ERICH5: variants seen among roughly 807,000 people sequenced by gnomAD.
The protein encoded by ERICH5 is glutamate rich 5.
Under a neutral mutation model 28.0 loss-of-function variants are expected in ERICH5, and 24 were observed. That is an observed-to-expected ratio of 0.86 (90% CI 0.62 to 1.21). The LOEUF is 1.21. Ranked by LOEUF, ERICH5 falls within the 50% of genes most tolerant of loss-of-function variation. The pLI is 0.00. For synonymous variants in ERICH5, 163 were observed against 157.6 expected (o/e 1.03, Z -0.25); for missense variants, 421 against 441.2 (o/e 0.95, Z 0.41).
intron 1 of ERICH5, among the ~76,000 whole-genome samples, chr8:98,082,102 T>C (rs1418598847): frequency 6.6e-6 from 1 of 152,092 alleles, no homozygotes; most frequent in African/African-American, 2.4e-5. Flanking sequence ...AAATTTAGAG[T>C]GCAATTAATC....
chr8:98,068,559 G>T (rs1442365443), intron 1 of ERICH5, among the ~76,000 whole-genome samples: 1 of 152,176 alleles, frequency 6.6e-6, no homozygotes, highest in Non-Finnish European at 1.5e-5. Flanking sequence ...GTTGTTTTGA[G>T]TGTCCTGAGG....
In ERICH5 at chr8:98,089,519, G is replaced by A; in HGVS notation, c.502G>A (p.Asp168Asn). ...GCCTTTGCAGGCAGCAGTAGAGAAG[G>A]ACTCTCTCAGAGCAGTGGAGGTCAC... ...GQPLQAAVEK[D>N]SLRAVEVTEN... The change falls in exon 2 of 3, where the codon GAC becomes AAC. Residue 168 changes from aspartate to asparagine, a missense_variant. Physicochemically the swap from Asp to Asn is conservative, Grantham distance 23. Transcript: ENST00000318528. The A allele has an allele frequency of 6.2e-7, 1 of 1,614,178 alleles. No individual in the cohort carries two copies. The highest frequency in any genetic ancestry group is 1.3e-5 in the African/African-American group (1 of 75,056).
At chr8:98,085,333 T>G (rs991673970) in intron 1 of ERICH5, among the ~76,000 whole-genome samples, 46 of 151,888 alleles carry the variant, frequency 3.0e-4, no homozygotes, top group Middle Eastern at 3.4e-3. Context: ...GCTAATTTTT[T>G]TTTGTATTTT....
intron 1 of ERICH5, among the ~76,000 whole-genome samples, chr8:98,081,650 G>A (rs987561585): frequency 2.6e-5 from 4 of 152,146 alleles, no homozygotes; most frequent in Admixed American, 6.6e-5. Context: ...TACACTGGCC[G>A]GGTGCTGTGG....
Position 98,089,030 on chromosome 8 carries a change from T to A in ERICH5, c.59-46T>A, listed in dbSNP as rs181604961. The A allele has an allele frequency of 1.2e-3, 1,640 of 1,403,282 alleles. 5 individuals carry two copies. Among genetic ancestry groups the A allele is most frequent in the Middle Eastern group, 2.0e-3 (11 of 5,470 alleles). The allele number at this position is 1,403,282 out of a possible 1,614,324, so 86.9% of individuals were successfully genotyped here. ...TTTTCAAGATAAAACTAAACAATAA[T>A]TTGTGTTTTCTCTTTTCTTTTTCTT... On this transcript the variant is annotated intron_variant, in intron 1 of 2. Coordinates refer to ENST00000318528, the MANE Select transcript of ERICH5 (RefSeq NM_173549.3).
intron 1 of ERICH5, among the ~76,000 whole-genome samples, chr8:98,083,105 T>C (rs1815211321): frequency 6.6e-6 from 1 of 152,162 alleles, no homozygotes; most frequent in Non-Finnish European, 1.5e-5. Flanking sequence ...GTCGGCACAT[T>C]TTTTTCTGCA....
At chr8:98,070,528 A>G (rs544134307) in intron 1 of ERICH5, among the ~76,000 whole-genome samples, 19 of 150,758 alleles carry the variant, frequency 1.3e-4, no homozygotes, top group Non-Finnish European at 2.2e-4. Context: ...TGTGGTGGCT[A>G]ATTTTTTACT....
chr8:98,067,455 T>TAA (rs754784106), intron 1 of ERICH5, among the ~76,000 whole-genome samples: 93 of 130,928 alleles, frequency 7.1e-4, no homozygotes, highest in African/African-American at 1.9e-3. Flanking sequence ...GAGACTCAAT[T>TAA]AAAAAAAAAA....
chr8:98,076,529 T>G (rs1285527559), intron 1 of ERICH5, among the ~76,000 whole-genome samples: 1 of 152,160 alleles, frequency 6.6e-6, no homozygotes, highest in Non-Finnish European at 1.5e-5. Flanking sequence ...GGCCTTTGAT[T>G]CATGGCTAAA....
intron 1 of ERICH5, among the ~76,000 whole-genome samples, chr8:98,069,755 C>T (rs61275942): frequency 0.054 from 8,286 of 152,192 alleles, 719 homozygotes; most frequent in African/African-American, 0.18. Context: ...AAAGGGTGTA[C>T]GCACTGAAAG....
intron 1 of ERICH5, among the ~76,000 whole-genome samples, chr8:98,074,397 A>C (rs1404343484): frequency 1.3e-5 from 2 of 148,466 alleles, no homozygotes; most frequent in South Asian, 4.3e-4. Flanking sequence ...TTTTGCTTCT[A>C]TAATTTTTTT....
intron 1 of ERICH5, among the ~76,000 whole-genome samples, chr8:98,075,011 C>G (rs987296710): frequency 6.6e-6 from 1 of 152,058 alleles, no homozygotes; most frequent in Admixed American, 6.5e-5. Flanking sequence ...TTGAGGAGCA[C>G]TGGTTAGGTA....
At chr8:98,068,037 A>C (rs1408252433) in intron 1 of ERICH5, among the ~76,000 whole-genome samples, 3 of 151,852 alleles carry the variant, frequency 2.0e-5, no homozygotes, top group African/African-American at 4.8e-5. Flanking sequence ...TTATTTAAAA[A>C]ATTGAGACAG....
At chr8:98,068,344 G>A (rs1814854580) in intron 1 of ERICH5, among the ~76,000 whole-genome samples, 1 of 152,148 alleles carries the variant, frequency 6.6e-6, no homozygotes, top group East Asian at 1.9e-4. Flanking sequence ...GGAGAACAGA[G>A]GTGAAGACTC....
At position 98,093,504 on chromosome 8, in the gene ERICH5, G is replaced by A. The variant is rs1815447078; in HGVS notation, c.*171G>A. The A allele has an allele frequency of 1.9e-5, 9 of 465,934 alleles. No homozygotes were observed. The South Asian group carries it at 4.0e-4, about 21-fold the overall frequency. 28.9% of individuals were successfully genotyped at this position (465,934 alleles called of 1,614,324 possible). A position where few individuals can be genotyped will look rare whatever the true frequency, so the allele number is the denominator to read the frequency against. ...ATGTTTCTGTGTTCTTGATTATATT[G>A]TTCTGCAAAACTGCTAAGCCATGAA... On this transcript the variant is annotated 3_prime_UTR_variant, in exon 3 of 3. Coordinates refer to ENST00000318528, the MANE Select transcript of ERICH5 (RefSeq NM_173549.3).
At chr8:98,088,103 TTA>T (rs35330907) in intron 1 of ERICH5, among the ~76,000 whole-genome samples, 7 of 150,556 alleles carry the variant, frequency 4.6e-5, no homozygotes, top group Non-Finnish European at 4.4e-5. Flanking sequence ...AATATTGGGA[TTA>T]TATATATATA....
intron 1 of ERICH5, among the ~76,000 whole-genome samples, chr8:98,073,787 C>T (rs563054728): frequency 1.3e-5 from 2 of 151,250 alleles, no homozygotes; most frequent in East Asian, 3.9e-4. Flanking sequence ...AGGTGATCCA[C>T]CCACCTCGGC....
rs778367143 is a variant in ERICH5 at position 98,064,725 on chromosome 8, G to C, written c.56G>C (p.Ser19Thr). The C allele has an allele frequency of 6.5e-7, 1 of 1,531,224 alleles. No homozygotes were observed. Among genetic ancestry groups the C allele is most frequent in the Non-Finnish European group, 8.8e-7 (1 of 1,142,170 alleles). The allele number at this position is 1,531,224 out of a possible 1,614,324, so 94.9% of individuals were successfully genotyped here. Residue 19 changes from serine (S) to threonine (T), a missense_variant and splice_region_variant, in exon 1 of 3, where the codon AGC becomes ACC. Ser to Thr is a moderately conservative substitution (Grantham distance 58). Transcript: ENST00000318528. The stretch of plus-strand genomic sequence containing the variant: ...GCCGGCGACAGCAGCAGGTTCCCCA[G>C]CGGTGAGCAGGGTACCGGCGCCGCC... Reference protein sequence around the residue: ...NKAGDSSRFPSVTSNEHFSTA... With the variant: ...NKAGDSSRFPTVTSNEHFSTA...
chr8:98,064,800 G>C, intron 1 of ERICH5, 73 bp downstream of exon 1: 1 of 1,310,794 alleles, frequency 7.6e-7, no homozygotes, highest in South Asian at 1.4e-5. Context: ...GAGGTCCAAA[G>C]GGTGTGTCCC....
Sources: allele counts gnomAD v4.1 joint callset (sites outside exome capture counted in the v4.1 genomes callset), GRCh38; gene constraint gnomAD v4.1.1; transcripts MANE v1.5; gene names NCBI Gene and HGNC (gene_info 2026-07-23, HGNC 2026-07-21).